Variants in N4BP2 observed in about 807,000 individuals in gnomAD.
N4BP2 encodes NEDD4 binding protein 2.
In N4BP2, 91 loss-of-function variants were observed where a neutral mutation model predicts 152.8. That is an observed-to-expected ratio of 0.60 (90% CI 0.50 to 0.71). The LOEUF (loss-of-function observed/expected upper bound fraction) is 0.71. N4BP2 is among the 30% of genes least tolerant of loss of function. The pLI, the probability that N4BP2 is intolerant of heterozygous loss-of-function variation, is 0.00. For synonymous variants in N4BP2, 646 were observed against 705.3 expected (o/e 0.92, Z 1.33); for missense variants, 1,923 against 2,059.1 (o/e 0.93, Z 1.28).
chr4:40,086,859 C>T (rs1443427501), intron 2 of N4BP2, among the ~76,000 whole-genome samples: 2 of 151,932 alleles, frequency 1.3e-5, no homozygotes, highest in Non-Finnish European at 2.9e-5. Context: ...GTGATCCTCC[C>T]ATCTCAGCCT....
intron 13 of N4BP2, among the ~76,000 whole-genome samples, chr4:40,133,155 T>C (rs1281395397): frequency 1.3e-5 from 2 of 152,222 alleles, no homozygotes; most frequent in African/African-American, 2.4e-5. Context: ...TTTACTGATA[T>C]CTTTCTCTTA....
intron 16 of N4BP2, among the ~76,000 whole-genome samples, chr4:40,151,112 A>G (rs997955290): frequency 6.6e-6 from 1 of 152,226 alleles, no homozygotes; most frequent in Non-Finnish European, 1.5e-5. Context: ...ACATCCTTTG[A>G]ACTCTTACTT....
At chr4:40,111,022 A>T (rs144580031) in intron 5 of N4BP2, among the ~76,000 whole-genome samples, 259 of 152,250 alleles carry the variant, frequency 1.7e-3, no homozygotes, top group African/African-American at 5.9e-3. Context: ...GCAATGGTGT[A>T]TTATAATGTT....
chr4:40,142,134 G>GAGA, intron 14 of N4BP2: 1 of 162,808 alleles, frequency 6.1e-6, no homozygotes, highest in South Asian at 1.6e-4. Flanking sequence ...TAGGGAGAGG[G>GAGA]GGAGGGGGAG....
intron 2 of N4BP2, among the ~76,000 whole-genome samples, chr4:40,086,131 A>ATT (rs59899449): frequency 0.06 from 7,796 of 130,186 alleles, 603 homozygotes; most frequent in East Asian, 0.41. Context: ...TGCCCGGCTA[A>ATT]TTTTTTTTTT....
intron 1 of N4BP2, among the ~76,000 whole-genome samples, chr4:40,072,242 A>ATTTT (rs34754962): frequency 1.7e-5 from 2 of 117,572 alleles, no homozygotes; most frequent in African/African-American, 3.3e-5. Flanking sequence ...TGCCTGGCTA[A>ATTTT]TTTTTTTTTT....
At chr4:40,128,539 G>GTTTTTTTTTTTTTTTTT (rs11423243) in intron 12 of N4BP2, among the ~76,000 whole-genome samples, 33 of 145,096 alleles carry the variant, frequency 2.3e-4, no homozygotes, top group African/African-American at 7.8e-4. Context: ...TCTTCTTTCT[G>GTTTTTTTTTTTTTTTTT]TTTTTTTTTT....
chr4:40,190,047 A>G, the N4BP2 span, among the ~76,000 whole-genome samples: 9 of 152,290 alleles, frequency 5.9e-5, no homozygotes, highest in African/African-American at 2.2e-4. Flanking sequence ...TCCTTTTTAA[A>G]TATGCACCCT....
chr4:40,098,687 A>G (rs1715326405), intron 3 of N4BP2, among the ~76,000 whole-genome samples: 1 of 152,196 alleles, frequency 6.6e-6, no homozygotes, highest in African/African-American at 2.4e-5. Context: ...ATGACAGTAT[A>G]TTGAGTTTTG....
At chr4:40,070,892 T>A (rs1263261918) in intron 1 of N4BP2, among the ~76,000 whole-genome samples, 3 of 151,708 alleles carry the variant, frequency 2.0e-5, no homozygotes, top group Admixed American at 1.3e-4. Context: ...TGGCGTGATC[T>A]TCGCTCACTG....
intron 1 of N4BP2, among the ~76,000 whole-genome samples, chr4:40,068,952 T>C (rs1578945317): frequency 6.9e-6 from 1 of 144,818 alleles, no homozygotes. Flanking sequence ...AACCCCTGTC[T>C]CTACTAAAAA....
intron 5 of N4BP2, among the ~76,000 whole-genome samples, chr4:40,107,940 T>C (rs78322700): frequency 6.6e-6 from 1 of 151,742 alleles, no homozygotes; most frequent in African/African-American, 2.4e-5. Context: ...TTTTTTTTTT[T>C]TGACACAGTA....
rs551474143 is a variant in N4BP2 at position 40,104,146 on chromosome 4, G to A, written c.1373+928G>A. ...TTTTTGTATTTTTAGTAGAGACGGG[G>A]TTTCACCGTGTTAGCCAGGATGGTC... On this transcript the variant is annotated intron_variant, in intron 4 of 17. Coordinates refer to ENST00000261435, the MANE Select transcript of N4BP2 (RefSeq NM_018177.6). Among the ~76,000 whole-genome samples, 229 of 151,962 alleles carry A rather than the reference G, an allele frequency of 1.5e-3. 1 individual carries two copies. The highest frequency in any genetic ancestry group is 5.1e-3 in the African/African-American group (213 of 41,490).
At chr4:40,083,087 G>A (rs1713564982) in intron 2 of N4BP2, 1 of 181,520 alleles carries the variant, frequency 5.5e-6, no homozygotes, top group Non-Finnish European at 1.2e-5. Context: ...TGCCTGTTCT[G>A]TATTATGAAG....
In N4BP2 at chr4:40,136,863, G is replaced by A. The variant is rs976970792; in HGVS notation, c.4647-81G>A. The A allele has an allele frequency of 1.9e-5, 20 of 1,035,410 alleles. No homozygotes were observed. In the Admixed American group the frequency reaches 4.7e-4, roughly 24 times the overall value. 64.1% of individuals were successfully genotyped at this position (1,035,410 alleles called of 1,614,324 possible). A position where few individuals can be genotyped will look rare whatever the true frequency, so the allele number is the denominator to read the frequency against. On this transcript the variant is annotated intron_variant, in intron 13 of 17. Coordinates refer to ENST00000261435, the MANE Select transcript of N4BP2 (RefSeq NM_018177.6). Reference sequence around the variant, plus strand: ...CCAGTTTTTCATATTCTTGTAAGATGTTTGAAGATTGCTTGTGTTAATGTC... The same window carrying A: ...CCAGTTTTTCATATTCTTGTAAGATATTTGAAGATTGCTTGTGTTAATGTC...
intron 16 of N4BP2, among the ~76,000 whole-genome samples, chr4:40,148,873 C>T (rs1382211812): frequency 3.3e-5 from 5 of 151,800 alleles, no homozygotes; most frequent in Admixed American, 6.6e-5. Context: ...ATTTATCCAT[C>T]GATGGACAAT....
chr4:40,069,890 G>T (rs1280664601), intron 1 of N4BP2, among the ~76,000 whole-genome samples: 1 of 152,174 alleles, frequency 6.6e-6, no homozygotes, highest in Non-Finnish European at 1.5e-5. Context: ...ACTCCAGCCT[G>T]GGTGGCAGAG....
intron 2 of N4BP2, among the ~76,000 whole-genome samples, chr4:40,082,214 T>G (rs1448090448): frequency 7.1e-6 from 1 of 141,678 alleles, no homozygotes; most frequent in Non-Finnish European, 1.5e-5. Context: ...AGGTGGAGGC[T>G]GCAGTGAGCC....
chr4:40,085,836 A>G (rs1310031582), intron 2 of N4BP2, among the ~76,000 whole-genome samples: 1 of 152,082 alleles, frequency 6.6e-6, no homozygotes, highest in African/African-American at 2.4e-5. Context: ...TGATCATTTG[A>G]TTTAATTTTA....
Sources: gnomAD v4.1 joint callset for allele counts (sites outside exome capture counted in the v4.1 genomes callset) on GRCh38, gnomAD v4.1.1 for gene constraint, MANE v1.5 for transcripts, NCBI Gene and HGNC (gene_info 2026-07-23, HGNC 2026-07-21) for gene names.